The following VCP variants were observed in gnomAD, a reference collection of about 807,000 sequenced individuals.
VCP encodes the protein transitional endoplasmic reticulum ATPase.
A neutral mutation model predicts 85.7 loss-of-function variants in VCP; 6 were observed. The observed-to-expected ratio is 0.07, with a 90% CI of 0.04 to 0.14. The LOEUF (loss-of-function observed/expected upper bound fraction) is 0.14, where lower values mean the gene tolerates loss of function less well. VCP is among the 10% of genes least tolerant of loss of function. The pLI is 1.00. For synonymous variants in VCP, 384 were observed against 367.1 expected (o/e 1.05, Z -0.53); for missense variants, 353 against 1,043.4 (o/e 0.34, Z 9.12).
intron 1 of VCP, among the ~76,000 whole-genome samples, chr9:35,069,822 A>G (rs1828905172): frequency 6.6e-6 from 1 of 152,228 alleles, no homozygotes; most frequent in South Asian, 2.1e-4. Context: ...CAAAGTAGGA[A>G]GGCCAGACAA....
At chr9:35,064,341 C>A in intron 5 of VCP, 56 bp from the exon 6 acceptor site, 1 of 1,606,408 alleles carries the variant, frequency 6.2e-7, no homozygotes, top group Non-Finnish European at 8.5e-7. Context: ...TCAGCAAAAG[C>A]TGAGTTTCTC....
At chr9:35,069,806 A>G (rs1229817341) in intron 1 of VCP, among the ~76,000 whole-genome samples, 1 of 152,236 alleles carries the variant, frequency 6.6e-6, no homozygotes, top group Non-Finnish European at 1.5e-5. Context: ...AAACATAAGC[A>G]TTAACCAAAG....
chr9:35,068,630 T>C (rs1042962626), intron 1 of VCP, among the ~76,000 whole-genome samples: 1 of 152,112 alleles, frequency 6.6e-6, no homozygotes, highest in Non-Finnish European at 1.5e-5. Flanking sequence ...CAGAAAATAA[T>C]GGCCTAAGAA....
chr9:35,059,852 G>T lies in VCP; in HGVS notation c.1696-51C>A. The T allele has an allele frequency of 6.2e-7, 1 of 1,612,150 alleles. No individual in the cohort carries two copies. Among genetic ancestry groups the T allele is most frequent in the Non-Finnish European group, 8.5e-7 (1 of 1,178,616 alleles). Reference sequence around the variant, plus strand: ...GCACTAACAAAACTAGATGTCTCTAGGCAAACGTGGTGGCTCACACCTGTA... The same window carrying T: ...GCACTAACAAAACTAGATGTCTCTATGCAAACGTGGTGGCTCACACCTGTA... On this transcript the variant is annotated intron_variant, in intron 13 of 16. Transcript: ENST00000358901. This position sits in a 1 kb window ranked among gnomAD's most constrained non-coding sequence, Gnocchi z 4.9.
intron 3 of VCP, 56 bp downstream of exon 3, chr9:35,067,835 T>C: frequency 6.2e-7 from 1 of 1,607,914 alleles, no homozygotes. Flanking sequence ...GTCCTGCCTG[T>C]AATGCAGGCT....
chr9:35,071,973 A>C (rs1828958918), intron 1 of VCP: 2 of 1,080,388 alleles, frequency 1.9e-6, no homozygotes, highest in East Asian at 8.1e-5. Flanking sequence ...GCCGGACGGC[A>C]GACTGGCGCC....
chr9:35,070,393 T>C (rs1828917066), intron 1 of VCP, among the ~76,000 whole-genome samples: 1 of 152,190 alleles, frequency 6.6e-6, no homozygotes, highest in Non-Finnish European at 1.5e-5. Context: ...CTTATAGAAC[T>C]GGGACTGGAG....
intron 4 of VCP, among the ~76,000 whole-genome samples, chr9:35,066,241 G>A (rs1828827563): frequency 6.6e-6 from 1 of 151,338 alleles, no homozygotes; most frequent in Non-Finnish European, 1.5e-5. Context: ...GACCAGCCTG[G>A]GCATCATAGT....
intron 16 of VCP, 23 bp downstream of exon 16, chr9:35,057,349 ACTGT>A: frequency 1.2e-6 from 2 of 1,614,212 alleles, no homozygotes; most frequent in Non-Finnish European, 1.7e-6. Flanking sequence ...TAACTTAAGC[ACTGT>A]CTAATGCTCC....
At chr9:35,071,492 T>C (rs1455312127) in intron 1 of VCP, among the ~76,000 whole-genome samples, 2 of 151,958 alleles carry the variant, frequency 1.3e-5, no homozygotes, top group Non-Finnish European at 2.9e-5. Flanking sequence ...GAAGAGTTAG[T>C]GCAACTCTAA....
chr9:35,062,991 G>A lies in VCP; in HGVS notation c.798C>T (p.Phe266=), dbSNP rs1828756383. Residue 266 remains phenylalanine (F), a synonymous_variant, in exon 7 of 17, where the codon TTC becomes TTT. Coordinates refer to ENST00000358901, the MANE Select transcript of VCP (RefSeq NM_007126.5). The stretch of plus-strand genomic sequence containing the variant: ...CAAATATCTCACCATTGATCAAGAA[G>A]AAGAAGGCTCCAGTCTCATTTGCTA... ...RAVANETGAF[F]FLINGPEIMS... is the part of the protein sequence containing the mutation. 6.2e-7 allele frequency: 1 copy of A among 1,614,024 alleles called. No individual in the cohort carries two copies. The highest frequency in any genetic ancestry group is 1.1e-5 in the South Asian group (1 of 91,082).
chr9:35,056,198 C>T lies in VCP; in HGVS notation c.*919G>A, dbSNP rs753360809. Reference sequence around the variant, plus strand: ...TAAAAGAGAGTATAGAGAATATCCACCTGCAAGTAAGATTGTATTCTTTTG... The same window carrying T: ...TAAAAGAGAGTATAGAGAATATCCATCTGCAAGTAAGATTGTATTCTTTTG... On this transcript the variant is annotated 3_prime_UTR_variant, in exon 17 of 17. Coordinates refer to ENST00000358901, the MANE Select transcript of VCP (RefSeq NM_007126.5). 1 of 152,078 alleles carries T rather than the reference C, an allele frequency of 6.6e-6. No individual in the cohort carries two copies. Among genetic ancestry groups the T allele is most frequent in the Non-Finnish European group, 1.5e-5 (1 of 68,026 alleles). The allele number at this position is 152,078 out of a possible 1,614,324, so 9.4% of individuals were successfully genotyped here. A position where few individuals can be genotyped will look rare whatever the true frequency, so the allele number is the denominator to read the frequency against.
intron 13 of VCP, 112 bp downstream of exon 13, chr9:35,060,201 C>T: frequency 2.7e-6 from 3 of 1,104,068 alleles, no homozygotes; most frequent in African/African-American, 1.5e-5. Context: ...AAGTGACTTA[C>T]TGTGCAGTTG....
rs1208749406 is a variant in VCP at position 35,059,365 on chromosome 9, C to A, written c.2004+128G>T. On this transcript the variant is annotated intron_variant, in intron 14 of 16. Coordinates refer to ENST00000358901, the MANE Select transcript of VCP (RefSeq NM_007126.5). The surrounding 1 kb of genome is among the most constrained non-coding windows in gnomAD (Gnocchi z 4.9). ...CCTGATTCTAGATTATCTTGATATC[C>A]TCAAAAATTCTACCTTCCCTTTAGA... is the stretch of plus-strand genomic sequence containing the variant. 8 of 1,525,900 alleles carry A rather than the reference C, an allele frequency of 5.2e-6. No individual in the cohort carries two copies. The Admixed American group carries it at 1.4e-4, about 26-fold the overall frequency. 94.5% of individuals were successfully genotyped at this position (1,525,900 alleles called of 1,614,324 possible). A position where few individuals can be genotyped will look rare whatever the true frequency, so the allele number is the denominator to read the frequency against.
chr9:35,072,226 C>A, intron 1 of VCP, 111 bp downstream of exon 1: 1 of 1,461,142 alleles, frequency 6.8e-7, no homozygotes, highest in Non-Finnish European at 9.1e-7. Context: ...TTCCCTCTTT[C>A]CTGGTCTCCA....
Position 35,061,058 on chromosome 9 carries a change from G to C in VCP, c.1316C>G (p.Ala439Gly). The C allele has an allele frequency of 6.2e-7, 1 of 1,614,108 alleles. No homozygotes were observed. Among genetic ancestry groups the C allele is most frequent in the Non-Finnish European group, 8.5e-7 (1 of 1,180,028 alleles). ...AACTGCTAGAGAGTTCATGACCTCGGCATCAATGGTCTCATCCTCTAGGTC... is the reference window on the plus strand; with the variant it reads ...AACTGCTAGAGAGTTCATGACCTCGCCATCAATGGTCTCATCCTCTAGGTC... The part of the protein sequence containing the change: ...LIDLEDETID[A>G]EVMNSLAVTM... The change falls in exon 11 of 17, where the codon GCC becomes GGC. Residue 439 changes from alanine to glycine, a missense_variant. Transcript: ENST00000358901.
At position 35,057,536 on chromosome 9, in the gene VCP, G is replaced by A. The variant is rs199513619; in HGVS notation, c.2161-6C>T. On this transcript the variant is annotated splice_region_variant and splice_polypyrimidine_tract_variant and intron_variant, in intron 15 of 16. Transcript: ENST00000358901. ...GGATCATCCTCTTCTACCTCCTATA[G>A]TTGGTAAACACAGATCACTAGGGCT... 13 of 1,607,630 alleles carry A rather than the reference G, an allele frequency of 8.1e-6. No homozygotes were observed. In the East Asian group the frequency reaches 2.9e-4, roughly 36 times the overall value.
chr9:35,057,034 T>TG lies in VCP; in HGVS notation c.*82dup. On this transcript the variant is annotated 3_prime_UTR_variant, in exon 17 of 17. Coordinates refer to ENST00000358901, the MANE Select transcript of VCP (RefSeq NM_007126.5). ...ATGGAGCAGGCTGTGGGCGCACCCC[T>TG]GGTCCCTCTCCTGGGCAAGCGCCCC... The TG allele has an allele frequency of 7.2e-7, 1 of 1,394,676 alleles. No homozygotes were observed. The highest frequency in any genetic ancestry group is 1.0e-6 in the Non-Finnish European group (1 of 985,896). The allele number at this position is 1,394,676 out of a possible 1,614,324, so 86.4% of individuals were successfully genotyped here.
chr9:35,059,049 A>G lies in VCP; in HGVS notation c.2160+15T>C, dbSNP rs1250901022. The G allele has an allele frequency of 6.2e-7, 1 of 1,613,722 alleles. No individual in the cohort carries two copies. The highest frequency in any genetic ancestry group is 1.7e-5 in the Admixed American group (1 of 60,026). On this transcript the variant is annotated intron_variant, in intron 15 of 16. Transcript: ENST00000358901. The surrounding 1 kb of genome is among the most constrained non-coding windows in gnomAD (Gnocchi z 4.9). ...CTCCATGATTGGCACATCTGGGGAA[A>G]GGATGCAGACTCACCATGGCTGATG...
Sources: gnomAD v4.1 joint callset for allele counts (sites outside exome capture counted in the v4.1 genomes callset) on GRCh38, gnomAD v4.1.1 for gene constraint, Gnocchi (gnomAD v3.1) non-coding constraint, MANE v1.5 for transcripts, NCBI Gene and HGNC (gene_info 2026-07-23, HGNC 2026-07-21) for gene names.